CRTC3: variants seen among roughly 807,000 people sequenced by gnomAD.
The protein encoded by CRTC3 is CREB-regulated transcription coactivator 3.
CRTC3 carries 26 observed loss-of-function variants against 74.5 expected under a neutral mutation model. The observed-to-expected ratio is 0.35, with a 90% confidence interval of 0.26 to 0.48. The LOEUF is 0.48. Among genes scored for constraint, CRTC3 ranks in the 20% least tolerant of loss-of-function variants. The pLI is 0.99. For synonymous variants in CRTC3, 377 were observed against 325.8 expected (o/e 1.16, Z -1.69); for missense variants, 760 against 787.3 (o/e 0.97, Z 0.41).
intron 3 of CRTC3, chr15:90,594,057 T>TA (rs1318541493): frequency 1.4e-5 from 3 of 220,486 alleles, no homozygotes; most frequent in Non-Finnish European, 2.7e-5. Flanking sequence ...TTGGCCACGT[T>TA]AGAGTTAAAC....
intron 2 of CRTC3, among the ~76,000 whole-genome samples, chr15:90,584,066 G>A (rs1269331235): frequency 2.0e-5 from 3 of 151,988 alleles, no homozygotes; most frequent in Non-Finnish European, 4.4e-5. Flanking sequence ...CTCCAGCTGG[G>A]TTCCCAAGAG....
intron 1 of CRTC3, among the ~76,000 whole-genome samples, chr15:90,534,419 A>G (rs984762638): frequency 3.3e-5 from 5 of 152,144 alleles, no homozygotes; most frequent in African/African-American, 1.2e-4. Context: ...TACTGAGAAA[A>G]ATGGGGGAAT....
intron 1 of CRTC3, among the ~76,000 whole-genome samples, chr15:90,535,321 A>G (rs2151053682): frequency 6.6e-6 from 1 of 152,146 alleles, no homozygotes; most frequent in East Asian, 1.9e-4. Flanking sequence ...ACTCTTATGA[A>G]GAGGAGGGAA....
chr15:90,635,951 GAATC>G (rs1969219100), intron 11 of CRTC3, among the ~76,000 whole-genome samples: 1 of 152,080 alleles, frequency 6.6e-6, no homozygotes, highest in African/African-American at 2.4e-5. Context: ...TGGGTAGGAA[GAATC>G]AATATTGTGA....
intron 1 of CRTC3, among the ~76,000 whole-genome samples, chr15:90,532,634 G>A (rs557076397): frequency 6.6e-6 from 1 of 152,176 alleles, no homozygotes; most frequent in African/African-American, 2.4e-5. Context: ...TCACCTAGGC[G>A]TTACTTATCC....
intron 2 of CRTC3, among the ~76,000 whole-genome samples, chr15:90,557,883 G>A (rs191306051): frequency 2.6e-4 from 40 of 152,202 alleles, no homozygotes; most frequent in East Asian, 1.9e-3. Flanking sequence ...AACCTGCCTC[G>A]TTTCCCTGTG....
In CRTC3 at chr15:90,641,938, C is replaced by G. The variant is rs1042554641; in HGVS notation, c.1658C>G (p.Ser553Cys). ...CTCTGGCCACTCCTTTCAGAAGACTCCAGCACCAGCCTGTTCAAAGACCTC... is the reference window on the plus strand; with the variant it reads ...CTCTGGCCACTCCTTTCAGAAGACTGCAGCACCAGCCTGTTCAAAGACCTC... ...SLPNTILPED[S>C]STSLFKDLNS... The change falls in exon 15 of 15, where the codon TCC becomes TGC. Residue 553 changes from serine (S) to cysteine (C), a missense_variant. Transcript: ENST00000268184. 1.2e-6 allele frequency: 2 copies of G among 1,613,286 alleles called. No homozygotes were observed. The highest frequency in any genetic ancestry group is 1.7e-6 in the Non-Finnish European group (2 of 1,179,812).
At chr15:90,582,172 A>G (rs770513815) in intron 2 of CRTC3, among the ~76,000 whole-genome samples, 22 of 152,264 alleles carry the variant, frequency 1.4e-4, no homozygotes, top group Non-Finnish European at 2.4e-4. Context: ...ATTTACCCAG[A>G]ACATATTTCT....
intron 10 of CRTC3, 65 bp from the exon 11 acceptor site, chr15:90,629,169 C>A: frequency 6.7e-7 from 1 of 1,491,058 alleles, no homozygotes; most frequent in Non-Finnish European, 9.1e-7. Flanking sequence ...AGTTTTCTTT[C>A]ATTTTTGGAA....
intron 9 of CRTC3, chr15:90,620,236 C>T (rs1190996535): frequency 5.5e-6 from 1 of 181,526 alleles, no homozygotes; most frequent in Non-Finnish European, 1.1e-5. Context: ...TGTGAATGTA[C>T]TTAATGTCAC....
chr15:90,576,948 T>C (rs1967419374), intron 2 of CRTC3, among the ~76,000 whole-genome samples: 1 of 152,116 alleles, frequency 6.6e-6, no homozygotes, highest in Non-Finnish European at 1.5e-5. Flanking sequence ...GGAGGAGGAA[T>C]AGGATGATGC....
rs377128305 is a variant in CRTC3, at chr15:90,604,493, A to T, written c.476+46A>T. 26 of 1,400,650 alleles carry T rather than the reference A, an allele frequency of 1.9e-5. No homozygotes were observed. In the African/African-American group the frequency reaches 3.0e-4, roughly 16 times the overall value. The allele number at this position is 1,400,650 out of a possible 1,614,324, so 86.8% of individuals were successfully genotyped here. A position where few individuals can be genotyped will look rare whatever the true frequency, so the allele number is the denominator to read the frequency against. On this transcript the variant is annotated intron_variant, in intron 5 of 14. Transcript: ENST00000268184. ...TAGGAGTAGATTTTAAAGCAATTTA[A>T]CTGTCCTGATATTTTTTACATAGCA...
At chr15:90,627,003 G>A (rs1013006449) in intron 10 of CRTC3, among the ~76,000 whole-genome samples, 3 of 152,212 alleles carry the variant, frequency 2.0e-5, no homozygotes, top group African/African-American at 7.2e-5. Flanking sequence ...CCAGAATTGT[G>A]TTGTGGAGCA....
At chr15:90,542,609 A>G (rs988894330) in intron 2 of CRTC3, among the ~76,000 whole-genome samples, 3 of 152,210 alleles carry the variant, frequency 2.0e-5, no homozygotes, top group African/African-American at 7.2e-5. Flanking sequence ...TCAAGATAAG[A>G]AAATTAACAG....
intron 5 of CRTC3, among the ~76,000 whole-genome samples, chr15:90,605,394 G>A (rs34759713): frequency 0.23 from 35,598 of 151,942 alleles, 4,413 homozygotes; most frequent in African/African-American, 0.31. Flanking sequence ...TCCCACCTCA[G>A]TCCCGTGACT....
At chr15:90,638,157 A>G in intron 11 of CRTC3, 1 of 401,736 alleles carries the variant, frequency 2.5e-6, no homozygotes, top group Non-Finnish European at 4.5e-6. Flanking sequence ...AAACAAAACA[A>G]AACATGATTT....
At chr15:90,619,518 A>G (rs1213637559) in intron 8 of CRTC3, among the ~76,000 whole-genome samples, 1 of 152,238 alleles carries the variant, frequency 6.6e-6, no homozygotes, top group African/African-American at 2.4e-5. Flanking sequence ...TTGATAAGGC[A>G]TCAAATTAGG....
Position 90,642,279 on chromosome 15 carries a change from A to AGATGG in CRTC3, c.*142_*143insGGGAT. 1 of 684,918 alleles carries AGATGG rather than the reference A, an allele frequency of 1.5e-6. No homozygotes were observed. The highest frequency in any genetic ancestry group is 2.5e-6 in the Non-Finnish European group (1 of 399,874). The allele number at this position is 684,918 out of a possible 1,614,324, so 42.4% of individuals were successfully genotyped here. On this transcript the variant is annotated 3_prime_UTR_variant, in exon 15 of 15. Coordinates refer to ENST00000268184, the MANE Select transcript of CRTC3 (RefSeq NM_022769.5). The stretch of plus-strand genomic sequence containing the variant: ...TGCCACGGCTCCAGGGTTTCAGATG[A>AGATGG]GATCCCATCTCAGACACTGTGGCTT...
intron 13 of CRTC3, among the ~76,000 whole-genome samples, chr15:90,639,373 A>G (rs1219260831): frequency 6.6e-6 from 1 of 151,906 alleles, no homozygotes; most frequent in East Asian, 1.9e-4. Context: ...ATAGTATTCA[A>G]TAGTATTCAA....
Sources: allele counts gnomAD v4.1 joint callset (sites outside exome capture counted in the v4.1 genomes callset), GRCh38; gene constraint gnomAD v4.1.1; transcripts MANE v1.5; gene names NCBI Gene and HGNC (gene_info 2026-07-23, HGNC 2026-07-21).